The following CAP2 variants were observed in gnomAD, a reference collection of about 807,000 sequenced individuals.
CAP2 encodes the protein cyclase associated actin cytoskeleton regulatory protein 2, also known as adenylyl cyclase-associated protein 2.
A neutral mutation model predicts 57.7 loss-of-function variants in CAP2; 24 were observed. The observed-to-expected ratio is 0.42, with a 90% CI of 0.30 to 0.58. CAP2 has a LOEUF of 0.58. Ranked by LOEUF, CAP2 falls within the 20% of genes least tolerant of loss-of-function variation. The pLI is 0.22. For missense variants in CAP2, 501 were observed against 590.3 expected, an observed-to-expected ratio of 0.85 and a Z score of 1.57; for synonymous variants, 194 against 207.2, an observed-to-expected ratio of 0.94 and a Z score of 0.55.
At chr6:17,465,867 C>G (rs1201897266) in intron 4 of CAP2, among the ~76,000 whole-genome samples, 1 of 152,198 alleles carries the variant, frequency 6.6e-6, no homozygotes, top group Non-Finnish European at 1.5e-5. Context: ...CCTCCCTCCC[C>G]CATATGGCCA....
intron 1 of CAP2, among the ~76,000 whole-genome samples, chr6:17,400,091 T>A (rs1581484502): frequency 6.6e-6 from 1 of 150,812 alleles, no homozygotes; most frequent in African/African-American, 2.4e-5. Context: ...CTGGGCATGG[T>A]GGCACGTGCC....
At chr6:17,431,271 C>G (rs927405062) in intron 3 of CAP2, among the ~76,000 whole-genome samples, 3 of 152,036 alleles carry the variant, frequency 2.0e-5, no homozygotes, top group African/African-American at 7.2e-5. Context: ...ACCTACATAA[C>G]AAACCTGTAT....
chr6:17,545,093 T>A (rs761220816), intron 11 of CAP2, among the ~76,000 whole-genome samples: 4 of 152,216 alleles, frequency 2.6e-5, no homozygotes, highest in Non-Finnish European at 5.9e-5. Context: ...TTTTTAATTT[T>A]AAAAAACTAG....
chr6:17,533,773 G>A (rs1762706219), intron 7 of CAP2, among the ~76,000 whole-genome samples: 1 of 151,896 alleles, frequency 6.6e-6, no homozygotes, highest in African/African-American at 2.4e-5. Flanking sequence ...TCACCCTGTT[G>A]GCCAGGATGG....
intron 4 of CAP2, among the ~76,000 whole-genome samples, chr6:17,471,706 C>T (rs1761023879): frequency 6.6e-6 from 1 of 151,718 alleles, no homozygotes; most frequent in Non-Finnish European, 1.5e-5. Flanking sequence ...TGGCGGGTGC[C>T]TGTAGTCCCA....
In CAP2 at chr6:17,500,431, C is replaced by T. The variant is rs191390529; in HGVS notation, c.301-6738C>T. Among the ~76,000 whole-genome samples the T allele has an allele frequency of 8.8e-3, 1,193 of 135,852 alleles. 4 individuals are homozygous for T. Among genetic ancestry groups the T allele is most frequent in the Non-Finnish European group, 0.012 (771 of 64,330 alleles). 89.1% of individuals were successfully genotyped at this position (135,852 alleles called of 152,430 possible). On this transcript the variant is annotated intron_variant, in intron 4 of 12. Transcript: ENST00000229922. ...GTTGCCAGGCTGGAGTGCAGTGGCA[C>T]GATCTCGGCTTACTGCAAGCTCCGC... is the stretch of plus-strand genomic sequence containing the variant.
At chr6:17,460,142 T>C (rs1014336443) in intron 3 of CAP2, among the ~76,000 whole-genome samples, 2 of 152,230 alleles carry the variant, frequency 1.3e-5, no homozygotes, top group Non-Finnish European at 2.9e-5. Flanking sequence ...TAGTCTCAGA[T>C]GTCACCATTG....
At chr6:17,460,617 C>T (rs9465039) in intron 3 of CAP2, among the ~76,000 whole-genome samples, 5 of 151,972 alleles carry the variant, frequency 3.3e-5, no homozygotes, top group African/African-American at 9.7e-5. Context: ...CATAATTATC[C>T]CAGTCTCAAC....
At chr6:17,554,389 C>T (rs1763246407) in intron 12 of CAP2, among the ~76,000 whole-genome samples, 1 of 152,222 alleles carries the variant, frequency 6.6e-6, no homozygotes, top group South Asian at 2.1e-4. Flanking sequence ...AAAAGAGATA[C>T]CAAATCAGAG....
chr6:17,540,264 C>T (rs1439464339), intron 8 of CAP2, among the ~76,000 whole-genome samples: 5 of 152,104 alleles, frequency 3.3e-5, no homozygotes, highest in East Asian at 1.9e-4. Context: ...GGAATGGATT[C>T]GTAAAGTCAA....
At chr6:17,464,883 G>C (rs951642930) in intron 4 of CAP2, among the ~76,000 whole-genome samples, 3 of 152,212 alleles carry the variant, frequency 2.0e-5, no homozygotes, top group African/African-American at 7.2e-5. Flanking sequence ...TGGGAGGAGA[G>C]GTGGTCCAAT....
intron 6 of CAP2, among the ~76,000 whole-genome samples, chr6:17,510,630 G>GA (rs1228545237): frequency 1.3e-5 from 2 of 152,216 alleles, no homozygotes; most frequent in Non-Finnish European, 2.9e-5. Context: ...GCACGCATGA[G>GA]AAAGGCATCA....
intron 7 of CAP2, chr6:17,536,201 A>G (rs1581604366): frequency 4.4e-6 from 2 of 456,744 alleles, no homozygotes; most frequent in Non-Finnish European, 8.8e-6. Context: ...AAGAGAATAT[A>G]GAAAGTTCTC....
intron 3 of CAP2, among the ~76,000 whole-genome samples, chr6:17,460,332 A>T (rs191189666): frequency 3.8e-4 from 58 of 151,622 alleles, no homozygotes; most frequent in African/African-American, 1.4e-3. Context: ...CTGGCCAGTT[A>T]AAAAAAAATA....
intron 4 of CAP2, among the ~76,000 whole-genome samples, chr6:17,506,144 C>T (rs1761977429): frequency 1.3e-5 from 2 of 152,130 alleles, no homozygotes; most frequent in Non-Finnish European, 2.9e-5. Context: ...AGCGATCTTC[C>T]CGCCTAAGCC....
At chr6:17,425,900 G>A (rs1162500510) in intron 2 of CAP2, among the ~76,000 whole-genome samples, 1 of 152,106 alleles carries the variant, frequency 6.6e-6, no homozygotes, top group East Asian at 1.9e-4. Flanking sequence ...TTGGAAACTA[G>A]CCTGACCAAT....
intron 4 of CAP2, among the ~76,000 whole-genome samples, chr6:17,465,537 C>T (rs914631643): frequency 2.0e-5 from 3 of 152,172 alleles, no homozygotes; most frequent in Non-Finnish European, 2.9e-5. Context: ...TCCCTTTCCT[C>T]TTTATTCAGA....
At chr6:17,397,620 G>A (rs1048194708) in intron 1 of CAP2, among the ~76,000 whole-genome samples, 5 of 151,254 alleles carry the variant, frequency 3.3e-5, no homozygotes, top group African/African-American at 9.7e-5. Context: ...GCGTGAACCC[G>A]GGAGGCGGGG....
At chr6:17,414,828 A>G (rs772519213) in intron 1 of CAP2, among the ~76,000 whole-genome samples, 18 of 152,244 alleles carry the variant, frequency 1.2e-4, no homozygotes, top group Non-Finnish European at 1.9e-4. Context: ...AGGAATCGCC[A>G]TACTGTCTTC....
Sources: gnomAD v4.1 joint callset for allele counts (sites outside exome capture counted in the v4.1 genomes callset) on GRCh38, gnomAD v4.1.1 for gene constraint, MANE v1.5 for transcripts, NCBI Gene and HGNC (gene_info 2026-07-23, HGNC 2026-07-21) for gene names.